Variants in HS3ST4 observed in about 807,000 individuals in gnomAD.
The protein encoded by HS3ST4 is heparan sulfate-glucosamine 3-sulfotransferase 4, also known as heparan sulfate glucosamine 3-O-sulfotransferase 4.
In HS3ST4, 17 loss-of-function variants were observed where a neutral mutation model predicts 29.2. The observed-to-expected ratio is 0.58, with a 90% CI of 0.40 to 0.87. HS3ST4 has a LOEUF of 0.87. HS3ST4 is among the 40% of genes least tolerant of loss of function. The pLI is 0.00. For missense variants in HS3ST4, 627 were observed against 634.5 expected (o/e 0.99, Z 0.13); for synonymous variants, 314 against 285.7 (o/e 1.10, Z -1.00).
intron 1 of HS3ST4, among the ~76,000 whole-genome samples, chr16:25,951,215 C>T (rs57464987): frequency 0.16 from 23,747 of 152,174 alleles, 3,380 homozygotes; most frequent in African/African-American, 0.38. Context: ...AGGCCCCAAG[C>T]AATGAATATG....
intron 1 of HS3ST4, among the ~76,000 whole-genome samples, chr16:26,134,444 CCT>C (rs1898254221): frequency 6.7e-6 from 1 of 148,846 alleles, no homozygotes; most frequent in African/African-American, 2.5e-5. Flanking sequence ...CTCACTGCAA[CCT>C]CTGCCTCCTG....
intron 1 of HS3ST4, among the ~76,000 whole-genome samples, chr16:25,947,289 GA>G (rs564758502): frequency 2.0e-3 from 298 of 152,214 alleles, no homozygotes; most frequent in African/African-American, 6.6e-3. Flanking sequence ...CCTCATCTCA[GA>G]AAATACTCCA....
chr16:25,697,787 C>T (rs1444158549), intron 1 of HS3ST4, among the ~76,000 whole-genome samples: 1 of 152,122 alleles, frequency 6.6e-6, no homozygotes. Context: ...ATTATCCTGT[C>T]TCAGCCTCCT....
intron 1 of HS3ST4, among the ~76,000 whole-genome samples, chr16:25,815,767 A>T (rs77955385): frequency 0.024 from 3,664 of 152,248 alleles, 149 homozygotes; most frequent in African/African-American, 0.082. Context: ...GGATTTTTAG[A>T]TAATCTACAT....
intron 1 of HS3ST4, among the ~76,000 whole-genome samples, chr16:26,122,076 A>G (rs1329727360): frequency 6.6e-6 from 1 of 151,452 alleles, no homozygotes; most frequent in Non-Finnish European, 1.5e-5. Context: ...TAGGTAGGCA[A>G]TGGTTTAGAT....
chr16:25,811,883 GT>G (rs1160078014), intron 1 of HS3ST4, among the ~76,000 whole-genome samples: 1 of 152,200 alleles, frequency 6.6e-6, no homozygotes, highest in Non-Finnish European at 1.5e-5. Flanking sequence ...GGAGTCAAAA[GT>G]TGTATGTAGA....
Position 25,697,134 on chromosome 16 carries a change from C to G in HS3ST4, c.734+3983C>G, listed in dbSNP as rs186310824. Among the ~76,000 whole-genome samples, 45 of 152,318 alleles carry G rather than the reference C, an allele frequency of 3.0e-4. 2 individuals are homozygous for G. The highest frequency in any genetic ancestry group is 8.8e-5 in the Non-Finnish European group (6 of 68,036). ...ATTCATTCAATTATTTAAAAAATAT[C>G]TACCATATGCCGTGCACTGTATTAG... On this transcript the variant is annotated intron_variant, in intron 1 of 1. Transcript: ENST00000331351.
chr16:25,973,843 CA>C (rs1464241865), intron 1 of HS3ST4, among the ~76,000 whole-genome samples: 1 of 152,178 alleles, frequency 6.6e-6, no homozygotes, highest in Non-Finnish European at 1.5e-5. Flanking sequence ...TAATAATTGG[CA>C]GAGTGCAACC....
chr16:26,056,654 A>C (rs1898412184), intron 1 of HS3ST4, among the ~76,000 whole-genome samples: 1 of 152,222 alleles, frequency 6.6e-6, no homozygotes. Flanking sequence ...TTCAGTAGAC[A>C]GAGCTTCTCC....
chr16:25,899,719 G>C (rs1176967333), intron 1 of HS3ST4, among the ~76,000 whole-genome samples: 1 of 150,838 alleles, frequency 6.6e-6, no homozygotes, highest in Admixed American at 6.6e-5. Context: ...TCACCATGTT[G>C]ATCAGGTTGG....
At chr16:26,122,179 CAAA>C (rs200699173) in intron 1 of HS3ST4, among the ~76,000 whole-genome samples, 3 of 101,312 alleles carry the variant, frequency 3.0e-5, no homozygotes, top group Admixed American at 1.0e-4. Context: ...ATAAACTAAG[CAAA>C]AAAAAAAAAA....
At chr16:26,017,503 G>T (rs1347293711) in intron 1 of HS3ST4, among the ~76,000 whole-genome samples, 1 of 152,152 alleles carries the variant, frequency 6.6e-6, no homozygotes, top group African/African-American at 2.4e-5. Context: ...AGAAAAGAGA[G>T]AGCTTCCAGA....
rs1226541946 is a variant in HS3ST4 at position 25,961,841 on chromosome 16, AC to A, written c.735-173770del. ...TTAATGACCTAAAATCATAAAACTT[AC>A]ACTTAAAGTTTCTTACTTAGAAAGT... On this transcript the variant is annotated intron_variant, in intron 1 of 1. Transcript: ENST00000331351. Among the ~76,000 whole-genome samples the A allele has an allele frequency of 4.7e-4, 70 of 149,114 alleles. No individual in the cohort carries two copies. The Middle Eastern group carries it at 0.02, about 43-fold the overall frequency.
At chr16:25,733,168 G>T (rs1178796142) in intron 1 of HS3ST4, among the ~76,000 whole-genome samples, 1 of 152,218 alleles carries the variant, frequency 6.6e-6, no homozygotes, top group Non-Finnish European at 1.5e-5. Flanking sequence ...TTATCAAGAT[G>T]CAAACACATG....
chr16:26,098,805 G>T (rs542000722), intron 1 of HS3ST4, among the ~76,000 whole-genome samples: 1 of 152,070 alleles, frequency 6.6e-6, no homozygotes, highest in East Asian at 1.9e-4. Context: ...TGCTGTGCAG[G>T]GGGGTAGATG....
chr16:26,137,117 G>A lies in HS3ST4; in HGVS notation c.*869G>A, dbSNP rs1898294691. 1 of 152,162 alleles carries A rather than the reference G, an allele frequency of 6.6e-6. No individual in the cohort carries two copies. 9.4% of individuals were successfully genotyped at this position (152,162 alleles called of 1,614,324 possible). A position where few individuals can be genotyped will look rare whatever the true frequency, so the allele number is the denominator to read the frequency against. ...TGAGTGGCCATATCTGGGGGTAAAA[G>A]AAGAAATCCTGTCCTCTTGGTGGGA... On this transcript the variant is annotated 3_prime_UTR_variant, in exon 2 of 2. Transcript: ENST00000331351.
intron 1 of HS3ST4, 73 bp downstream of exon 1, chr16:25,693,224 G>T (rs1177077706): frequency 4.2e-6 from 6 of 1,432,660 alleles, no homozygotes; most frequent in African/African-American, 1.5e-5. Flanking sequence ...GGCTTTCCAC[G>T]CCCTTCGAGC....
intron 1 of HS3ST4, among the ~76,000 whole-genome samples, chr16:25,802,158 A>G (rs888588471): frequency 2.6e-5 from 4 of 152,068 alleles, no homozygotes; most frequent in African/African-American, 9.7e-5. Flanking sequence ...GAAGCTGATG[A>G]GTGCTGTGGA....
chr16:25,727,726 G>T (rs1399196309), intron 1 of HS3ST4, among the ~76,000 whole-genome samples: 1 of 152,110 alleles, frequency 6.6e-6, no homozygotes, highest in Non-Finnish European at 1.5e-5. Context: ...CATTTACGGG[G>T]TGACTTTTTG....
Sources: allele counts gnomAD v4.1 joint callset (sites outside exome capture counted in the v4.1 genomes callset), GRCh38; gene constraint gnomAD v4.1.1; transcripts MANE v1.5; gene names NCBI Gene and HGNC (gene_info 2026-07-23, HGNC 2026-07-21).